The following YIPF7 variants were observed in gnomAD, a reference collection of about 807,000 sequenced individuals.
YIPF7 encodes the protein Yip1 domain family member 7, also known as protein YIPF7.
Under a neutral mutation model 27.2 loss-of-function variants are expected in YIPF7, and 35 were observed. That is an observed-to-expected ratio of 1.29 (90% CI 0.98 to 1.70). YIPF7 has a LOEUF of 1.70. Among genes scored for constraint, YIPF7 ranks in the 40% most tolerant of loss-of-function variants. The pLI, the probability that YIPF7 is intolerant of heterozygous loss-of-function variation, is 0.00. For missense variants in YIPF7, 358 were observed against 303.7 expected, an observed-to-expected ratio of 1.18 and a Z score of -1.33; for synonymous variants, 137 against 110.4, an observed-to-expected ratio of 1.24 and a Z score of -1.51.
In YIPF7 at chr4:44,631,528, C is replaced by G. The variant is rs545788260; in HGVS notation, c.281-1980G>C. Among the ~76,000 whole-genome samples, 4 of 152,142 alleles carry G rather than the reference C, an allele frequency of 2.6e-5. No homozygotes were observed. The East Asian group carries it at 5.8e-4, about 22-fold the overall frequency. ...AAACTTTCAGAGGGTCAGCTAGACA[C>G]TGGTCTAAACCAAAAAATAAAGTTC... On this transcript the variant is annotated intron_variant, in intron 3 of 5. Coordinates refer to ENST00000415895, the MANE Select transcript of YIPF7 (RefSeq NM_182592.3).
intron 3 of YIPF7, among the ~76,000 whole-genome samples, chr4:44,630,814 C>A (rs1363497956): frequency 5.9e-5 from 9 of 152,286 alleles, no homozygotes; most frequent in African/African-American, 2.2e-4. Context: ...AGATCAGTTT[C>A]TTTTCTCACC....
chr4:44,650,498 C>CGT (rs748839704), intron 1 of YIPF7, among the ~76,000 whole-genome samples: 7 of 63,798 alleles, frequency 1.1e-4, no homozygotes, highest in East Asian at 3.3e-4. Flanking sequence ...CACACATGCG[C>CGT]GCGCGCGCGC....
At chr4:44,659,438 A>G (rs1713984467) in intron 2 of YIPF7, among the ~76,000 whole-genome samples, 1 of 151,790 alleles carries the variant, frequency 6.6e-6, no homozygotes, top group Non-Finnish European at 1.5e-5. Flanking sequence ...TAGAGACTAC[A>G]CTTAATATAT....
intron 4 of YIPF7, among the ~76,000 whole-genome samples, chr4:44,628,995 A>C (rs1712774188): frequency 6.6e-6 from 1 of 152,214 alleles, no homozygotes; most frequent in African/African-American, 2.4e-5. Flanking sequence ...GTCTGGAGAT[A>C]TATCACAGCA....
chr4:44,622,603 C>T, intron 5 of YIPF7, 27 bp from the exon 6 acceptor site: 2 of 1,609,042 alleles, frequency 1.2e-6, no homozygotes. Context: ...GAAATGATTG[C>T]CTGTGCCAGT....
At chr4:44,645,162 C>T (rs926718150) in intron 2 of YIPF7, among the ~76,000 whole-genome samples, 1 of 152,150 alleles carries the variant, frequency 6.6e-6, no homozygotes, top group African/African-American at 2.4e-5. Context: ...TGGCCTGATA[C>T]AGTAAATAAC....
chr4:44,658,742 G>A (rs1269564640), intron 2 of YIPF7, among the ~76,000 whole-genome samples: 2 of 152,176 alleles, frequency 1.3e-5, no homozygotes, highest in Admixed American at 6.5e-5. Context: ...AAGGTGAGAG[G>A]CACATTTTAC....
intron 4 of YIPF7, 157 bp downstream of exon 4, chr4:44,629,246 G>T: frequency 1.1e-6 from 1 of 878,586 alleles, no homozygotes; most frequent in Non-Finnish European, 1.5e-6. Flanking sequence ...ATGCATAATG[G>T]TAGCATATTT....
intron 4 of YIPF7, among the ~76,000 whole-genome samples, chr4:44,625,366 T>C (rs1712599696): frequency 6.6e-6 from 1 of 152,128 alleles, no homozygotes; most frequent in South Asian, 2.1e-4. Flanking sequence ...CGCTAAGCAA[T>C]GGAGGTTGGC....
At chr4:44,637,445 G>C (rs1713167112) in intron 2 of YIPF7, among the ~76,000 whole-genome samples, 1 of 152,068 alleles carries the variant, frequency 6.6e-6, no homozygotes, top group African/African-American at 2.4e-5. Context: ...ATTCTGACTG[G>C]GGGAAGATGA....
intron 4 of YIPF7, among the ~76,000 whole-genome samples, chr4:44,627,301 G>A (rs113669836): frequency 3.0e-3 from 461 of 152,212 alleles, no homozygotes; most frequent in African/African-American, 0.01. Context: ...GTTTTCTTTG[G>A]TTTGTCTCCT....
At chr4:44,657,540 A>G (rs16857323) in intron 2 of YIPF7, among the ~76,000 whole-genome samples, 2,598 of 152,296 alleles carry the variant, frequency 0.017, 75 homozygotes, top group African/African-American at 0.056. Context: ...ACATGCCACA[A>G]TGTGAAAAAC....
upstream of YIPF7, among the ~76,000 whole-genome samples, chr4:44,652,451 A>T (rs1433557165): frequency 6.6e-6 from 1 of 152,204 alleles, no homozygotes; most frequent in Non-Finnish European, 1.5e-5. Context: ...CATGTATCCA[A>T]ATCTCAGTAA....
chr4:44,645,919 G>C (rs1461461906), intron 2 of YIPF7, among the ~76,000 whole-genome samples: 1 of 151,964 alleles, frequency 6.6e-6, no homozygotes. Context: ...ATAGAATAAA[G>C]GCAGCAAGGA....
intron 2 of YIPF7, among the ~76,000 whole-genome samples, chr4:44,646,656 T>A (rs1166497399): frequency 6.6e-6 from 1 of 152,202 alleles, no homozygotes; most frequent in Non-Finnish European, 1.5e-5. Flanking sequence ...GATCCTACTG[T>A]TCATTCTAAA....
intron 1 of YIPF7, among the ~76,000 whole-genome samples, chr4:44,650,507 GCACACACACA>G (rs3040316): frequency 1.8e-4 from 25 of 137,086 alleles, no homozygotes; most frequent in Non-Finnish European, 3.0e-4. Flanking sequence ...GCGCGCGCGC[GCACACACACA>G]CACACACACA....
intron 4 of YIPF7, among the ~76,000 whole-genome samples, chr4:44,628,108 A>G (rs940605448): frequency 2.0e-5 from 3 of 152,198 alleles, no homozygotes; most frequent in Admixed American, 2.0e-4. Flanking sequence ...GGCCTTACTT[A>G]GCAGTTAATC....
chr4:44,629,514 T>G lies in YIPF7; in HGVS notation c.315A>C (p.Lys105Asn), dbSNP rs769810318. The part of the protein sequence containing the change: ...LGIHFDHIWQ[K>N]TLTVLNPMKP... ...TCATTGGGTTTAACACTGTCAAAGT[T>G]TTTTGCCATATGTGATCAAAATGGA... The change falls in exon 4 of 6, where the codon AAA becomes AAC. Residue 105 changes from lysine (K) to asparagine (N), a missense_variant. Lys to Asn is a moderately conservative substitution (Grantham distance 94, BLOSUM62 0). Coordinates refer to ENST00000415895, the MANE Select transcript of YIPF7 (RefSeq NM_182592.3). The G allele has an allele frequency of 1.3e-6, 2 of 1,568,616 alleles. No individual in the cohort carries two copies. The highest frequency in any genetic ancestry group is 2.4e-5 in the South Asian group (2 of 84,188).
At chr4:44,638,689 T>C (rs973122214) in intron 2 of YIPF7, among the ~76,000 whole-genome samples, 2 of 152,158 alleles carry the variant, frequency 1.3e-5, no homozygotes, top group African/African-American at 4.8e-5. Context: ...TGTGCAGAAG[T>C]TTTTAATTAA....
Sources: gnomAD v4.1 joint callset for allele counts (sites outside exome capture counted in the v4.1 genomes callset) on GRCh38, gnomAD v4.1.1 for gene constraint, MANE v1.5 for transcripts, NCBI Gene and HGNC (gene_info 2026-07-23, HGNC 2026-07-21) for gene names.